PCDHA6: variants seen among roughly 807,000 people sequenced by gnomAD.
The protein encoded by PCDHA6 is protocadherin alpha 6, also known as protocadherin alpha-6.
In PCDHA6, 55 loss-of-function variants were observed where a neutral mutation model predicts 60.3. That is an observed-to-expected ratio of 0.91 (90% CI 0.73 to 1.14). The LOEUF (loss-of-function observed/expected upper bound fraction) is 1.14, where lower values mean the gene tolerates loss of function less well. Ranked by LOEUF, PCDHA6 falls within the 50% of genes most tolerant of loss-of-function variation. PCDHA6 has a pLI of 0.00. For synonymous variants in PCDHA6, 652 were observed against 557.9 expected (o/e 1.17, Z -2.38); for missense variants, 1,327 against 1,256.5 (o/e 1.06, Z -0.85).
chr5:140,880,528 A>T lies in PCDHA6; in HGVS notation c.2394+50043A>T, dbSNP rs539592135. ...GTTTGGTCACATCTCTCAATGTGTGAATCATCTGAAAGTGAACTGATGGAA... is the reference window on the plus strand; with the variant it reads ...GTTTGGTCACATCTCTCAATGTGTGTATCATCTGAAAGTGAACTGATGGAA... On this transcript the variant is annotated intron_variant, in intron 1 of 3. Coordinates refer to ENST00000529310, the MANE Select transcript of PCDHA6 (RefSeq NM_018909.4). 7.9e-5 allele frequency among the ~76,000 whole-genome samples: 12 copies of T among 152,354 alleles called. No homozygotes were observed. The East Asian group carries it at 2.3e-3, about 29-fold the overall frequency.
At chr5:140,875,508 G>A (rs1007736035) in intron 1 of PCDHA6, 19 of 1,613,588 alleles carry the variant, frequency 1.2e-5, no homozygotes, top group Non-Finnish European at 1.6e-5. Flanking sequence ...CGGGATCCCA[G>A]CGTCTGCTGC....
intron 1 of PCDHA6, among the ~76,000 whole-genome samples, chr5:140,906,736 AT>A (rs1330405649): frequency 6.6e-6 from 1 of 152,132 alleles, no homozygotes; most frequent in Non-Finnish European, 1.5e-5. Flanking sequence ...GTAGTTTCCC[AT>A]TGACACAGGG....
At chr5:140,986,938 G>A (rs1025641797) in intron 3 of PCDHA6, among the ~76,000 whole-genome samples, 1 of 152,158 alleles carries the variant, frequency 6.6e-6, no homozygotes, top group African/African-American at 2.4e-5. Flanking sequence ...TGGAGGCTGG[G>A]TGTGGTCGCT....
At chr5:140,962,840 T>C (rs1554226297) in intron 1 of PCDHA6, among the ~76,000 whole-genome samples, 6 of 152,348 alleles carry the variant, frequency 3.9e-5, no homozygotes, top group African/African-American at 2.4e-5. Context: ...TTTTTTATTA[T>C]ATAACTTGTG....
intron 1 of PCDHA6, among the ~76,000 whole-genome samples, chr5:140,965,094 A>G (rs1289535686): frequency 6.6e-6 from 1 of 152,236 alleles, no homozygotes; most frequent in Non-Finnish European, 1.5e-5. Context: ...TCCAGTCCAT[A>G]GCTAGAAAAT....
intron 1 of PCDHA6, among the ~76,000 whole-genome samples, chr5:140,935,509 C>T (rs2090411551): frequency 6.6e-6 from 1 of 152,080 alleles, no homozygotes; most frequent in Admixed American, 6.6e-5. Context: ...TTACAAATGC[C>T]CAGTAGGCAT....
rs1197189729 is a variant in PCDHA6, at chr5:141,011,926, G to A, written c.*1989G>A. On this transcript the variant is annotated 3_prime_UTR_variant, in exon 4 of 4. Transcript: ENST00000529310. ...TTAGGCATTAATATAAAAGAGGTAG[G>A]AGTCTGTTATTTAAAAAAAGCATTA... 1 of 153,498 alleles carries A rather than the reference G, an allele frequency of 6.5e-6. No individual in the cohort carries two copies. Among genetic ancestry groups the A allele is most frequent in the African/African-American group, 2.4e-5 (1 of 41,380 alleles). 9.5% of individuals were successfully genotyped at this position (153,498 alleles called of 1,614,324 possible).
At chr5:140,913,318 T>C (rs953831117) in intron 1 of PCDHA6, among the ~76,000 whole-genome samples, 1 of 152,188 alleles carries the variant, frequency 6.6e-6, no homozygotes, top group African/African-American at 2.4e-5. Flanking sequence ...CTTGGTAAGT[T>C]GTATGTGTCT....
chr5:140,876,408 G>T, intron 1 of PCDHA6: 1 of 1,613,942 alleles, frequency 6.2e-7, no homozygotes, highest in Non-Finnish European at 8.5e-7. Flanking sequence ...ATTTTGAAGA[G>T]AATAATGCCT....
At chr5:141,008,014 CT>C (rs1268690822) in intron 3 of PCDHA6, among the ~76,000 whole-genome samples, 12 of 152,070 alleles carry the variant, frequency 7.9e-5, no homozygotes, top group African/African-American at 1.7e-4. Flanking sequence ...CTTCTGTTTC[CT>C]TTTTTTTCTT....
rs2150251833 is a variant in PCDHA6, at chr5:140,836,067, G to A, written c.2394+5582G>A. 18 of 1,613,552 alleles carry A rather than the reference G, an allele frequency of 1.1e-5. 1 individual carries two copies. Among genetic ancestry groups the A allele is most frequent in the Non-Finnish European group, 1.4e-5 (16 of 1,179,776 alleles). On this transcript the variant is annotated intron_variant, in intron 1 of 3. Transcript: ENST00000529310. Reference sequence around the variant, plus strand: ...GTTCGTGCTGGACGAGAACGACAACGCGCCGGCACTGCTGGCGCCTCGGGT... The same window carrying A: ...GTTCGTGCTGGACGAGAACGACAACACGCCGGCACTGCTGGCGCCTCGGGT...
At chr5:140,882,235 A>G (rs782339930) in intron 1 of PCDHA6, 9 of 1,580,864 alleles carry the variant, frequency 5.7e-6, no homozygotes, top group Admixed American at 1.8e-5. Flanking sequence ...CGTTGTATAT[A>G]TTGCAGATAG....
chr5:140,850,760 G>T lies in PCDHA6; in HGVS notation c.2394+20275G>T. 1.3e-6 allele frequency: 2 copies of T among 1,598,100 alleles called. 1 individual carries two copies. The highest frequency in any genetic ancestry group is 1.7e-6 in the Non-Finnish European group (2 of 1,167,646). On this transcript the variant is annotated intron_variant, in intron 1 of 3. Coordinates refer to ENST00000529310, the MANE Select transcript of PCDHA6 (RefSeq NM_018909.4). ...GTTGGTCGTACTCGCAGCAGAGGAGGCAGAGGGTGTGCTCTGGCGAGGGTA... is the reference window on the plus strand; with the variant it reads ...GTTGGTCGTACTCGCAGCAGAGGAGTCAGAGGGTGTGCTCTGGCGAGGGTA...
intron 1 of PCDHA6, among the ~76,000 whole-genome samples, chr5:140,922,238 T>C (rs1554200737): frequency 6.6e-6 from 1 of 152,210 alleles, no homozygotes; most frequent in East Asian, 1.9e-4. Context: ...CCATGATGTG[T>C]ATGAAGATAA....
At chr5:140,948,764 G>T (rs962710607) in intron 1 of PCDHA6, among the ~76,000 whole-genome samples, 1 of 150,728 alleles carries the variant, frequency 6.6e-6, no homozygotes, top group African/African-American at 2.4e-5. Flanking sequence ...GATTTTTTTC[G>T]AATAGCCAGC....
At chr5:140,912,939 T>C (rs1372074826) in intron 1 of PCDHA6, among the ~76,000 whole-genome samples, 1 of 152,230 alleles carries the variant, frequency 6.6e-6, no homozygotes, top group Middle Eastern at 3.2e-3. Context: ...CATCCTTGTA[T>C]CCCTGGGATA....
At chr5:140,856,434 C>A in intron 1 of PCDHA6, 2 of 1,598,320 alleles carry the variant, frequency 1.3e-6, no homozygotes, top group Non-Finnish European at 1.7e-6. Flanking sequence ...AACGACAACC[C>A]GCCCAGGTTC....
At chr5:140,954,356 CCA>C (rs1251664193) in intron 1 of PCDHA6, among the ~76,000 whole-genome samples, 1 of 152,152 alleles carries the variant, frequency 6.6e-6, no homozygotes, top group Non-Finnish European at 1.5e-5. Flanking sequence ...TGAGGAATCG[CCA>C]CACAGTCTCC....
At chr5:140,891,624 T>C (rs1489586112) in intron 1 of PCDHA6, among the ~76,000 whole-genome samples, 1 of 152,188 alleles carries the variant, frequency 6.6e-6, no homozygotes, top group African/African-American at 2.4e-5. Context: ...TTTTAACACC[T>C]TTTGCTCTTT....
Sources: allele counts gnomAD v4.1 joint callset (sites outside exome capture counted in the v4.1 genomes callset), GRCh38; gene constraint gnomAD v4.1.1; transcripts MANE v1.5; gene names NCBI Gene and HGNC (gene_info 2026-07-23, HGNC 2026-07-21).